MEPE: variants seen among roughly 807,000 people sequenced by gnomAD.
MEPE encodes the protein matrix, extracellular phosphoglycoprotein with ASARM motif (bone).
A neutral mutation model predicts 7.3 loss-of-function variants in MEPE; 7 were observed. The ratio of observed to expected loss-of-function variants is 0.95; its 90% confidence interval spans 0.54 to 1.79. The LOEUF (loss-of-function observed/expected upper bound fraction) is 1.79. Among genes scored for constraint, MEPE ranks in the 40% most tolerant of loss-of-function variants. MEPE has a pLI of 0.00. For missense variants in MEPE, 623 were observed against 628.2 expected (o/e 0.99, Z 0.09); for synonymous variants, 214 against 213.1 (o/e 1.00, Z -0.04).
chr4:87,838,332 G>A (rs930863261), intron 2 of MEPE, among the ~76,000 whole-genome samples: 7 of 152,066 alleles, frequency 4.6e-5, no homozygotes, highest in Non-Finnish European at 1.0e-4. Context: ...TTCGTCTGGG[G>A]TGCCATCCCT....
At chr4:87,842,344 T>C (rs1422653948) in intron 3 of MEPE, among the ~76,000 whole-genome samples, 1 of 152,204 alleles carries the variant, frequency 6.6e-6, no homozygotes, top group Non-Finnish European at 1.5e-5. Context: ...TCTTTTTCTC[T>C]CCATCAGGGA....
At position 87,845,117 on chromosome 4, in the gene MEPE, T is replaced by A. The variant is rs368826542; in HGVS notation, c.249T>A (p.Ser83Arg). 3 of 1,613,618 alleles carry A rather than the reference T, an allele frequency of 1.9e-6. No individual in the cohort carries two copies. The highest frequency in any genetic ancestry group is 2.7e-5 in the African/African-American group (2 of 74,872). ...SLSEASENKGSSKSQNYFTNR... is the reference protein window; with the variant it reads ...SLSEASENKGRSKSQNYFTNR... ...CTGAAGCCAGTGAGAATAAGGGAAG[T>A]AGTAAATCTCAAAATTATTTCACAA... The change falls in exon 4 of 4, where the codon AGT becomes AGA. Residue 83 changes from serine to arginine, a missense_variant. Coordinates refer to ENST00000361056, the MANE Select transcript of MEPE (RefSeq NM_020203.6).
chr4:87,826,713 T>G lies in MEPE; in HGVS notation c.-13+5242T>G, dbSNP rs534528469. Among the ~76,000 whole-genome samples, 27 of 152,302 alleles carry G rather than the reference T, an allele frequency of 1.8e-4. No individual in the cohort carries two copies. The East Asian group carries it at 5.2e-3, about 29-fold the overall frequency. Reference sequence around the variant, plus strand: ...CGTGTGAGATGGTATCTCATTGTGGTTTTGATTTGCATTTCTGTAATGATC... The same window carrying G: ...CGTGTGAGATGGTATCTCATTGTGGGTTTGATTTGCATTTCTGTAATGATC... On this transcript the variant is annotated intron_variant, in intron 1 of 3. Transcript: ENST00000424957.
At chr4:87,833,776 T>C (rs1208888377) in intron 1 of MEPE, among the ~76,000 whole-genome samples, 1 of 152,190 alleles carries the variant, frequency 6.6e-6, no homozygotes, top group African/African-American at 2.4e-5. Flanking sequence ...AATACCTTTA[T>C]TTGTAACTAA....
chr4:87,823,611 G>T (rs1168367486), intron 1 of MEPE, among the ~76,000 whole-genome samples: 1 of 152,150 alleles, frequency 6.6e-6, no homozygotes, highest in Non-Finnish European at 1.5e-5. Flanking sequence ...GTCTATTTCA[G>T]CAGTAAGAAA....
rs746322441 is a variant in MEPE at position 87,846,326 on chromosome 4, A to G, written c.1458A>G (p.Pro486=). 3.1e-5 allele frequency: 50 copies of G among 1,614,044 alleles called. No homozygotes were observed. Among genetic ancestry groups the G allele is most frequent in the Non-Finnish European group, 3.6e-5 (43 of 1,179,994 alleles). The part of the protein sequence containing the change: ...QNNSTRNKGM[P]QGKGSWGRQP... ...ATTCTACACGGAATAAGGGTATGCC[A>G]CAAGGGAAAGGCTCCTGGGGTAGAC... The change falls in exon 4 of 4, where the codon CCA becomes CCG. Residue 486 remains proline, a synonymous_variant. Transcript: ENST00000361056.
chr4:87,845,482 A>G lies in MEPE; in HGVS notation c.614A>G (p.Lys205Arg), dbSNP rs1227880619. ...KKPQRDSQAQKSPVKSKSTHR... is the reference protein window; with the variant it reads ...KKPQRDSQAQRSPVKSKSTHR... ...CCTCAAAGAGATTCCCAAGCCCAGA[A>G]AAGTCCAGTAAAAAGCAAAAGCACC... Residue 205 changes from lysine to arginine, a missense_variant, in exon 4 of 4, where the codon AAA becomes AGA. By Grantham distance (26) the Lys-to-Arg change is conservative. Coordinates refer to ENST00000361056, the MANE Select transcript of MEPE (RefSeq NM_020203.6). 2.5e-6 allele frequency: 4 copies of G among 1,613,858 alleles called. 1 individual carries two copies. The South Asian group carries it at 4.4e-5, about 18-fold the overall frequency.
intron 2 of MEPE, among the ~76,000 whole-genome samples, chr4:87,835,246 T>C (rs1347830234): frequency 2.6e-5 from 4 of 152,334 alleles, no homozygotes; most frequent in African/African-American, 9.6e-5. Flanking sequence ...GGATCCTACT[T>C]GTGATTTTCT....
intron 1 of MEPE, among the ~76,000 whole-genome samples, chr4:87,833,512 T>C (rs1363839864): frequency 6.6e-6 from 1 of 152,190 alleles, no homozygotes; most frequent in Non-Finnish European, 1.5e-5. Context: ...TTTTAGAATA[T>C]ATTTAATAGT....
At chr4:87,832,122 G>A (rs1162144093), upstream of MEPE, among the ~76,000 whole-genome samples, 1 of 151,536 alleles carries the variant, frequency 6.6e-6, no homozygotes, top group Non-Finnish European at 1.5e-5. Context: ...CAAGCAGAAG[G>A]GCAAAAAGGG....
intron 2 of MEPE, among the ~76,000 whole-genome samples, chr4:87,835,650 T>C (rs968504908): frequency 2.0e-5 from 3 of 152,018 alleles, no homozygotes; most frequent in African/African-American, 7.3e-5. Context: ...TGTTCCCTTC[T>C]CCGCACACAC....
chr4:87,828,744 T>G (rs190201179), upstream of MEPE, among the ~76,000 whole-genome samples: 1 of 152,302 alleles, frequency 6.6e-6, no homozygotes, highest in East Asian at 1.9e-4. Context: ...ATGGAGTACT[T>G]CCTTCCAGAT....
chr4:87,838,855 C>T (rs1459302766), intron 3 of MEPE, among the ~76,000 whole-genome samples, 170 bp downstream of exon 3: 2 of 152,186 alleles, frequency 1.3e-5, no homozygotes, highest in Admixed American at 1.3e-4. Context: ...AACTCACACA[C>T]CATGTGTGAC....
intron 3 of MEPE, chr4:87,840,127 TCTACC>T: frequency 1.3e-6 from 2 of 1,488,942 alleles, no homozygotes; most frequent in Non-Finnish European, 1.8e-6. Flanking sequence ...CTTGACATAT[TCTACC>T]ATATGCTCTG....
At chr4:87,831,948 T>TA (rs1481516810), upstream of MEPE, among the ~76,000 whole-genome samples, 2 of 152,068 alleles carry the variant, frequency 1.3e-5, no homozygotes, top group Non-Finnish European at 2.9e-5. Flanking sequence ...GGGTAATTTA[T>TA]AAAAAACAGA....
intron 2 of MEPE, among the ~76,000 whole-genome samples, chr4:87,838,208 G>A (rs1344381894): frequency 6.6e-6 from 1 of 152,146 alleles, no homozygotes; most frequent in African/African-American, 2.4e-5. Flanking sequence ...TATAATTAAT[G>A]CACACACACA....
At chr4:87,828,238 C>T (rs768562199), upstream of MEPE, among the ~76,000 whole-genome samples, 4 of 152,100 alleles carry the variant, frequency 2.6e-5, no homozygotes, top group Non-Finnish European at 5.9e-5. Flanking sequence ...CAAAGACTTC[C>T]CCACTGATCC....
chr4:87,824,190 A>G (rs998097069), intron 1 of MEPE, among the ~76,000 whole-genome samples: 4 of 152,200 alleles, frequency 2.6e-5, no homozygotes, highest in Admixed American at 6.5e-5. Flanking sequence ...TTCTTTTTTA[A>G]AAGACCAGAT....
intron 1 of MEPE, among the ~76,000 whole-genome samples, chr4:87,824,034 A>G (rs1722405431): frequency 6.6e-6 from 1 of 152,202 alleles, no homozygotes; most frequent in Non-Finnish European, 1.5e-5. Context: ...TCTCCCTTGT[A>G]TCTCATGGTT....
Sources: gnomAD v4.1 joint callset for allele counts (sites outside exome capture counted in the v4.1 genomes callset) on GRCh38, gnomAD v4.1.1 for gene constraint, MANE v1.5 for transcripts, NCBI Gene and HGNC (gene_info 2026-07-23, HGNC 2026-07-21) for gene names.